CORO2B: variants seen among roughly 807,000 people sequenced by gnomAD.
CORO2B encodes the protein coronin 2B.
A neutral mutation model predicts 58.8 loss-of-function variants in CORO2B; 26 were observed. That is an observed-to-expected ratio of 0.44 (90% confidence interval 0.32 to 0.61). CORO2B has a LOEUF of 0.61. Among genes scored for constraint, CORO2B ranks in the 20% least tolerant of loss-of-function variants. The probability of loss-of-function intolerance (pLI) is 0.04; values close to 1 mark genes in which losing one functional copy is unlikely to be tolerated. For missense variants in CORO2B, 460 were observed against 645.1 expected, an observed-to-expected ratio of 0.71 and a Z score of 3.11; for synonymous variants, 242 against 253.8, an observed-to-expected ratio of 0.95 and a Z score of 0.44.
At chr15:68,621,068 A>G (rs1900502622) in intron 1 of CORO2B, among the ~76,000 whole-genome samples, 1 of 152,188 alleles carries the variant, frequency 6.6e-6, no homozygotes, top group African/African-American at 2.4e-5. Flanking sequence ...CTCAGCTTGG[A>G]GTGGACGGAT....
At chr15:68,586,867 T>C (rs1418641256) in intron 1 of CORO2B, among the ~76,000 whole-genome samples, 1 of 152,134 alleles carries the variant, frequency 6.6e-6, no homozygotes, top group East Asian at 1.9e-4. Flanking sequence ...CCAGAGGCCC[T>C]CCTGGCTCTC....
rs1026111623 is a variant in CORO2B at position 68,716,811 on chromosome 15, C to T, written c.967+1500C>T. On this transcript the variant is annotated intron_variant, in intron 8 of 11. Transcript: ENST00000261861. ...CAGAAGGGAGGTCAGTGTGGCTGAG[C>T]GTGGTGTAGACTCTGTGATGTAGCA... is the stretch of plus-strand genomic sequence containing the variant. Among the ~76,000 whole-genome samples the T allele has an allele frequency of 5.3e-5, 8 of 149,902 alleles. No individual in the cohort carries two copies. The South Asian group carries it at 6.3e-4, about 12-fold the overall frequency.
At position 68,688,289 on chromosome 15, in the gene CORO2B, G is replaced by A. The variant is rs186877009; in HGVS notation, c.217-6851G>A. On this transcript the variant is annotated intron_variant, in intron 2 of 11. Coordinates refer to ENST00000261861, the MANE Select transcript of CORO2B (RefSeq NM_006091.5). ...AACTATTCAGATGTTGTCACTATTA[G>A]CATTCTGATGTATTTTCTTGTAGAT... is the stretch of plus-strand genomic sequence containing the variant. 3.2e-4 allele frequency among the ~76,000 whole-genome samples: 48 copies of A among 152,236 alleles called. 1 individual carries two copies. The highest frequency in any genetic ancestry group is 2.7e-3 in the Admixed American group (42 of 15,296).
the CORO2B span, among the ~76,000 whole-genome samples, chr15:68,541,670 G>GT: frequency 6.6e-6 from 1 of 152,210 alleles, no homozygotes; most frequent in Non-Finnish European, 1.5e-5. Context: ...TGAATTATGA[G>GT]TTTTTTCAGT....
At position 68,726,969 on chromosome 15, in the gene CORO2B, C is replaced by T. The variant is rs1893318674; in HGVS notation, c.*995C>T. On this transcript the variant is annotated 3_prime_UTR_variant, in exon 12 of 12. Transcript: ENST00000261861. ...CCCTCACGCTCTGTGCCCCTAGATC[C>T]TTCAGGTCCCCACCCTCAGCTGTCA... is the stretch of plus-strand genomic sequence containing the variant. 1.3e-5 allele frequency: 2 copies of T among 152,356 alleles called. No homozygotes were observed. The highest frequency in any genetic ancestry group is 1.3e-4 in the Admixed American group (2 of 15,286). The allele number at this position is 152,356 out of a possible 1,614,324, so 9.4% of individuals were successfully genotyped here. A position where few individuals can be genotyped will look rare whatever the true frequency, so the allele number is the denominator to read the frequency against.
the CORO2B span, among the ~76,000 whole-genome samples, chr15:68,520,800 C>A: frequency 1.3e-5 from 2 of 152,284 alleles, no homozygotes; most frequent in South Asian, 4.1e-4. Flanking sequence ...AATCCCAGCA[C>A]TTTGGGAGGC....
intron 1 of CORO2B, among the ~76,000 whole-genome samples, chr15:68,637,434 G>C (rs888189262): frequency 6.6e-6 from 1 of 152,192 alleles, no homozygotes; most frequent in African/African-American, 2.4e-5. Context: ...GAATGCTTTG[G>C]ATGAGATGGA....
rs563596278 is a variant in CORO2B, at chr15:68,697,655, G to A, written c.333+2399G>A. Among the ~76,000 whole-genome samples, 3 of 152,300 alleles carry A rather than the reference G, an allele frequency of 2.0e-5. No homozygotes were observed. In the East Asian group the frequency reaches 5.8e-4, roughly 29 times the overall value. The stretch of plus-strand genomic sequence containing the variant: ...GCCTATAGTGAAGATGGTCCATCAG[G>A]CTTCAGCAGCCCAGAACCAAATTAG... On this transcript the variant is annotated intron_variant, in intron 3 of 11. Transcript: ENST00000261861.
chr15:68,563,414 G>A, the CORO2B span, among the ~76,000 whole-genome samples: 2 of 151,996 alleles, frequency 1.3e-5, no homozygotes, highest in Admixed American at 6.5e-5. Context: ...TTGAGCCTAG[G>A]AGGTTGAGGC....
intron 3 of CORO2B, among the ~76,000 whole-genome samples, chr15:68,696,628 C>G (rs369056285): frequency 5.3e-5 from 8 of 151,520 alleles, no homozygotes; most frequent in African/African-American, 1.7e-4. Context: ...CTTCCTCAGA[C>G]TCTACCAACT....
chr15:68,717,536 G>T (rs964474760), intron 8 of CORO2B, among the ~76,000 whole-genome samples: 5 of 152,176 alleles, frequency 3.3e-5, no homozygotes, highest in Non-Finnish European at 7.3e-5. Context: ...GGAGAGGAAA[G>T]AAGCAGGAAG....
chr15:68,722,431 C>T (rs959621668), intron 11 of CORO2B, among the ~76,000 whole-genome samples: 3 of 152,138 alleles, frequency 2.0e-5, no homozygotes, highest in African/African-American at 7.2e-5. Flanking sequence ...AAGGTGGACG[C>T]ATTGATCTAA....
chr15:68,714,039 C>G lies in CORO2B; in HGVS notation c.763C>G (p.Gln255Glu). The change falls in exon 6 of 12, where the codon CAG (glutamine) becomes GAG (glutamate). Residue 255 changes from glutamine to glutamate, a missense_variant and splice_region_variant. Gln to Glu is a conservative substitution (Grantham distance 29). Around this residue, in one of 2 missense-constraint regions of CORO2B, gnomAD observed 352 missense variants for 543.0 expected, o/e 0.65. Coordinates refer to ENST00000261861, the MANE Select transcript of CORO2B (RefSeq NM_006091.5). ...WNTRQIALWD[Q>E]EDLSMPLIEE... ...CACAAGACAGATTGCCCTCTGGGACCAGGTCAGCCACGGGGAGGCCTGCTG... is the reference window on the plus strand; with the variant it reads ...CACAAGACAGATTGCCCTCTGGGACGAGGTCAGCCACGGGGAGGCCTGCTG... 9 of 1,609,020 alleles carry G rather than the reference C, an allele frequency of 5.6e-6. No homozygotes were observed. The highest frequency in any genetic ancestry group is 7.7e-6 in the Non-Finnish European group (9 of 1,175,528).
At chr15:68,616,678 G>A in intron 1 of CORO2B, 2 of 938,096 alleles carry the variant, frequency 2.1e-6, no homozygotes, top group Non-Finnish European at 2.5e-6. Flanking sequence ...TCATCTGCGA[G>A]ATCTCCCATG....
chr15:68,579,301 C>T, intron 1 of CORO2B, 24 bp downstream of exon 1: 3 of 1,286,596 alleles, frequency 2.3e-6, no homozygotes, highest in Non-Finnish European at 3.0e-6. Flanking sequence ...GCCCGCCGCG[C>T]CCGGGACCCG....
intron 1 of CORO2B, among the ~76,000 whole-genome samples, chr15:68,624,661 G>A (rs1385928586): frequency 2.0e-5 from 3 of 151,196 alleles, no homozygotes; most frequent in Non-Finnish European, 2.9e-5. Flanking sequence ...CTGGGGTGGG[G>A]CTGGGCATCT....
In CORO2B at chr15:68,696,781, G is replaced by C. The variant is rs191910303; in HGVS notation, c.333+1525G>C. ...AGATTTCAGAGCCTCAGCTGAGCTG[G>C]TGAGGAGGGCCTGGTGTTCCCAGAT... On this transcript the variant is annotated intron_variant, in intron 3 of 11. Transcript: ENST00000261861. Among the ~76,000 whole-genome samples, 697 of 152,304 alleles carry C rather than the reference G, an allele frequency of 4.6e-3. 1 individual carries two copies. The highest frequency in any genetic ancestry group is 7.4e-3 in the Non-Finnish European group (504 of 68,022).
At chr15:68,697,634 A>G (rs891936073) in intron 3 of CORO2B, among the ~76,000 whole-genome samples, 3 of 152,146 alleles carry the variant, frequency 2.0e-5, no homozygotes, top group Non-Finnish European at 4.4e-5. Context: ...GCAAGAGCCT[A>G]TAGTGAAGAT....
intron 1 of CORO2B, among the ~76,000 whole-genome samples, chr15:68,630,046 G>A (rs764620044): frequency 1.3e-5 from 2 of 152,238 alleles, no homozygotes; most frequent in Non-Finnish European, 2.9e-5. Context: ...GGAAAAGGGA[G>A]GGTGCTGGTG....
Sources: allele counts gnomAD v4.1 joint callset (sites outside exome capture counted in the v4.1 genomes callset), GRCh38; gene constraint gnomAD v4.1.1; regional missense constraint gnomAD v4.1.1; transcripts MANE v1.5; gene names NCBI Gene and HGNC (gene_info 2026-07-23, HGNC 2026-07-21).